RBFOX1: variants seen among roughly 807,000 people sequenced by gnomAD.
RBFOX1 encodes RNA binding fox-1 homolog 1.
RBFOX1 carries 8 observed loss-of-function variants against 57.7 expected under a neutral mutation model. The ratio of observed to expected loss-of-function variants is 0.14; its 90% CI spans 0.08 to 0.25. The LOEUF (loss-of-function observed/expected upper bound fraction) is 0.25, where lower values mean the gene tolerates loss of function less well. Ranked by LOEUF, RBFOX1 falls within the 10% of genes least tolerant of loss-of-function variation. RBFOX1 has a pLI of 1.00. For synonymous variants in RBFOX1, 326 were observed against 222.4 expected, an observed-to-expected ratio of 1.47 and a Z score of -4.15; for missense variants, 611 against 548.5, an observed-to-expected ratio of 1.11 and a Z score of -1.14.
chr16:6,146,701 G>T lies in RBFOX1; in HGVS notation c.-127+126709G>T, dbSNP rs561952730. Among the ~76,000 whole-genome samples, 39 of 152,304 alleles carry T rather than the reference G, an allele frequency of 2.6e-4. 1 individual carries two copies. The highest frequency in any genetic ancestry group is 8.4e-4 in the African/African-American group (35 of 41,560). ...ACTTTTCACTATACTGAATCAAGCT[G>T]TTATTTTTTTGAAAGTGATATCATC... On this transcript the variant is annotated intron_variant, in intron 1 of 15. Coordinates refer to ENST00000550418, the MANE Select transcript of RBFOX1 (RefSeq NM_018723.4).
At chr16:7,488,166 G>C (rs965877523) in intron 4 of RBFOX1, among the ~76,000 whole-genome samples, 6 of 152,116 alleles carry the variant, frequency 3.9e-5, no homozygotes, top group Non-Finnish European at 8.8e-5. Context: ...TTGATGAGCT[G>C]GTCCTGCTCA....
rs112548376 is a variant in RBFOX1, at chr16:7,648,631, T to C, written c.758-5184T>C. 6.1e-3 allele frequency among the ~76,000 whole-genome samples: 931 copies of C among 152,272 alleles called. 5 individuals carry two copies. The highest frequency in any genetic ancestry group is 0.031 in the Middle Eastern group (9 of 294). On this transcript the variant is annotated intron_variant, in intron 11 of 15. Transcript: ENST00000550418. ...ATTTTCTATTGTTCCTGGTTGCACA[T>C]AATTATTTTATTCAGGGACTGTTGT...
At chr16:6,656,848 T>TA (rs1204595386) in intron 3 of RBFOX1, among the ~76,000 whole-genome samples, 2 of 151,882 alleles carry the variant, frequency 1.3e-5, no homozygotes, top group South Asian at 2.1e-4. Context: ...GGACTTTTTT[T>TA]AAAAAAGAGT....
chr16:6,334,024 G>C (rs1223814373), intron 2 of RBFOX1, among the ~76,000 whole-genome samples: 1 of 152,084 alleles, frequency 6.6e-6, no homozygotes, highest in Non-Finnish European at 1.5e-5. Flanking sequence ...AGAATGACTA[G>C]ACTCCGAAGG....
intron 9 of RBFOX1, among the ~76,000 whole-genome samples, chr16:7,602,446 C>G (rs995583952): frequency 7.9e-5 from 12 of 152,144 alleles, no homozygotes; most frequent in African/African-American, 2.9e-4. Flanking sequence ...TGTTGTAAGC[C>G]TCATTGTTCA....
intron 1 of RBFOX1, among the ~76,000 whole-genome samples, chr16:6,236,385 A>G (rs1254097608): frequency 6.6e-6 from 1 of 152,146 alleles, no homozygotes; most frequent in East Asian, 1.9e-4. Flanking sequence ...AGCTTAGCAG[A>G]GTACCTGAAA....
intron 1 of RBFOX1, among the ~76,000 whole-genome samples, chr16:6,057,825 GT>G (rs34335596): frequency 0.041 from 3,286 of 81,042 alleles, 46 homozygotes; most frequent in African/African-American, 0.1. Flanking sequence ...TTTGCTATGG[GT>G]TTTTTTTTTT....
chr16:7,265,032 C>T (rs1390443030), intron 4 of RBFOX1, among the ~76,000 whole-genome samples: 1 of 152,222 alleles, frequency 6.6e-6, no homozygotes, highest in African/African-American at 2.4e-5. Context: ...TCAAAGCAGG[C>T]CAGTCCCATT....
chr16:7,339,620 A>C lies in RBFOX1; in HGVS notation c.28-178527A>C, dbSNP rs142886930. Reference sequence around the variant, plus strand: ...ACAACCAGCTTATTTTTGTATTTTTAGTAAAGACAGGGTTTCACCATGTTG... The same window carrying C: ...ACAACCAGCTTATTTTTGTATTTTTCGTAAAGACAGGGTTTCACCATGTTG... On this transcript the variant is annotated intron_variant, in intron 4 of 15. Transcript: ENST00000550418. Among the ~76,000 whole-genome samples, 505 of 152,206 alleles carry C rather than the reference A, an allele frequency of 3.3e-3. 3 individuals carry two copies. In the Middle Eastern group the frequency reaches 0.051, roughly 15 times the overall value.
At chr16:7,639,223 G>A (rs755665751) in intron 11 of RBFOX1, among the ~76,000 whole-genome samples, 1 of 152,132 alleles carries the variant, frequency 6.6e-6, no homozygotes, top group Non-Finnish European at 1.5e-5. Flanking sequence ...AGACTCCATT[G>A]TCTTACCCAG....
chr16:5,878,536 C>T (rs2057676890), intron 4 of RBFOX1, among the ~76,000 whole-genome samples: 1 of 152,080 alleles, frequency 6.6e-6, no homozygotes, highest in Non-Finnish European at 1.5e-5. Context: ...CTTGAAAACC[C>T]CCTTGGGTTA....
chr16:6,852,691 A>G (rs893442641), intron 3 of RBFOX1, among the ~76,000 whole-genome samples: 1 of 151,208 alleles, frequency 6.6e-6, no homozygotes, highest in Admixed American at 6.6e-5. Context: ...GGTGAGGTGC[A>G]TGCCAGGAAA....
intron 1 of RBFOX1, among the ~76,000 whole-genome samples, chr16:6,055,182 G>T (rs943984804): frequency 2.6e-5 from 4 of 152,172 alleles, no homozygotes; most frequent in African/African-American, 9.6e-5. Flanking sequence ...GCTTTTTGCT[G>T]TCCAACGGAA....
intron 2 of RBFOX1, among the ~76,000 whole-genome samples, chr16:6,442,706 T>C (rs2094410090): frequency 6.6e-6 from 1 of 152,182 alleles, no homozygotes; most frequent in South Asian, 2.1e-4. Context: ...TCTTTTCTCT[T>C]TGTAATTCCC....
intron 3 of RBFOX1, among the ~76,000 whole-genome samples, chr16:5,824,773 G>T (rs2055977760): frequency 6.6e-6 from 1 of 152,184 alleles, no homozygotes; most frequent in South Asian, 2.1e-4. Flanking sequence ...TGAGCCCAGT[G>T]GCTTCAGAGG....
At chr16:5,314,769 G>C (rs1293866669) in intron 1 of RBFOX1, among the ~76,000 whole-genome samples, 2 of 150,368 alleles carry the variant, frequency 1.3e-5, no homozygotes, top group Admixed American at 1.3e-4. Context: ...TCAAAGTGCT[G>C]AGATTTGAGG....
intron 2 of RBFOX1, among the ~76,000 whole-genome samples, chr16:6,580,371 T>G (rs1237716458): frequency 6.6e-6 from 1 of 152,220 alleles, no homozygotes; most frequent in East Asian, 1.9e-4. Flanking sequence ...AACACACATT[T>G]GCCAATTATC....
intron 1 of RBFOX1, among the ~76,000 whole-genome samples, chr16:5,355,053 G>A (rs1473876201): frequency 6.6e-6 from 1 of 152,074 alleles, no homozygotes; most frequent in Non-Finnish European, 1.5e-5. Context: ...GACAGACAGA[G>A]AAGAGAGAGA....
At chr16:7,404,487 T>C (rs1378891262) in intron 4 of RBFOX1, among the ~76,000 whole-genome samples, 1 of 152,224 alleles carries the variant, frequency 6.6e-6, no homozygotes, top group Non-Finnish European at 1.5e-5. Context: ...TGGCAGGCAC[T>C]GCGTGAAGCA....
Sources: gnomAD v4.1 joint callset for allele counts (sites outside exome capture counted in the v4.1 genomes callset) on GRCh38, gnomAD v4.1.1 for gene constraint, MANE v1.5 for transcripts, NCBI Gene and HGNC (gene_info 2026-07-23, HGNC 2026-07-21) for gene names.